The following NECTIN4 variants were observed in gnomAD, a reference collection of about 807,000 sequenced individuals.
NECTIN4 encodes the protein nectin-4.
A neutral mutation model predicts 51.7 loss-of-function variants in NECTIN4; 19 were observed. The ratio of observed to expected loss-of-function variants is 0.37; its 90% CI spans 0.26 to 0.54. The LOEUF (loss-of-function observed/expected upper bound fraction) is 0.54. NECTIN4 is among the 20% of genes least tolerant of loss of function. The pLI is 0.86. For synonymous variants in NECTIN4, 283 were observed against 286.9 expected, an observed-to-expected ratio of 0.99 and a Z score of 0.14; for missense variants, 619 against 662.4, an observed-to-expected ratio of 0.93 and a Z score of 0.72.
At chr1:161,085,352 G>A (rs374317489) in intron 1 of NECTIN4, among the ~76,000 whole-genome samples, 11 of 152,022 alleles carry the variant, frequency 7.2e-5, no homozygotes, top group Non-Finnish European at 1.3e-4. Context: ...TAAACCCCCC[G>A]GAGCCAGAGT....
In NECTIN4 at chr1:161,085,733, C is replaced by T. The variant is rs550228793; in HGVS notation, c.79+3485G>A. 1.7e-4 allele frequency among the ~76,000 whole-genome samples: 25 copies of T among 146,260 alleles called. No individual in the cohort carries two copies. The East Asian group carries it at 4.2e-3, about 24-fold the overall frequency. ...TTTTTTTTTGACACAGAGTCTCACT[C>T]TGTCACCCAGGCTAGAGTGTAGTGG... On this transcript the variant is annotated intron_variant, in intron 1 of 8. Transcript: ENST00000368012.
chr1:161,082,816 G>C (rs1653750308), intron 1 of NECTIN4, among the ~76,000 whole-genome samples: 1 of 152,200 alleles, frequency 6.6e-6, no homozygotes. Context: ...CTTGGGTAGG[G>C]GATCTCCAGC....
In NECTIN4 at chr1:161,079,613, G is replaced by C; in HGVS notation, c.416C>G (p.Ala139Gly). Residue 139 changes from alanine (A) to glycine (G), a missense_variant, in exon 2 of 9, where the codon GCG becomes GGG. By Grantham distance (60) the Ala-to-Gly change is moderately conservative. Around this residue, in one of 3 missense-constraint regions of NECTIN4, gnomAD observed 218 missense variants for 186.3 expected, o/e 1.17. Transcript: ENST00000368012. ...ACCCAGCACTCGGAGCCGCAGCCGC[G>C]CCTGGAAGCTGCCGGCGGGGAAGGT... is the stretch of plus-strand genomic sequence containing the variant. ...VSTFPAGSFQ[A>G]RLRLRVLVPP... 6.2e-7 allele frequency: 1 copy of C among 1,604,966 alleles called. No homozygotes were observed. Among genetic ancestry groups the C allele is most frequent in the Non-Finnish European group, 8.5e-7 (1 of 1,179,642 alleles).
Position 161,072,778 on chromosome 1 carries a change from T to C in NECTIN4, c.1416A>G (p.Glu472=), listed in dbSNP as rs1353864659. The change falls in exon 9 of 9, where the codon GAA becomes GAG. Residue 472 remains glutamate (E), a synonymous_variant. Coordinates refer to ENST00000368012, the MANE Select transcript of NECTIN4 (RefSeq NM_030916.3). ...SPGSGRAEEE[E]DQDEGIKQAM... is the part of the protein sequence containing the mutation. ...CCTGTTTGATGCCTTCATCCTGATCTTCCTCCTCCTCGGCCCGCCCAGAGC... is the reference window on the plus strand; with the variant it reads ...CCTGTTTGATGCCTTCATCCTGATCCTCCTCCTCCTCGGCCCGCCCAGAGC... The C allele has an allele frequency of 1.2e-6, 2 of 1,614,226 alleles. No homozygotes were observed. Among genetic ancestry groups the C allele is most frequent in the Non-Finnish European group, 8.5e-7 (1 of 1,180,020 alleles).
In NECTIN4 at chr1:161,071,322, G is replaced by T. The variant is rs781058040; in HGVS notation, c.*1339C>A. On this transcript the variant is annotated 3_prime_UTR_variant, in exon 9 of 9. Coordinates refer to ENST00000368012, the MANE Select transcript of NECTIN4 (RefSeq NM_030916.3). ...GAATTAGTGATCCAAAACCCAGGGG[G>T]AAAGGCGACATTCTCACCCCCAGCA... The T allele has an allele frequency of 6.6e-6, 1 of 152,156 alleles. No homozygotes were observed. Among genetic ancestry groups the T allele is most frequent in the Non-Finnish European group, 1.5e-5 (1 of 68,054 alleles). 9.4% of individuals were successfully genotyped at this position (152,156 alleles called of 1,614,324 possible).
chr1:161,074,915 G>T (rs1056085698), intron 4 of NECTIN4, among the ~76,000 whole-genome samples, 156 bp from the exon 5 acceptor site: 1 of 152,194 alleles, frequency 6.6e-6, no homozygotes, highest in Non-Finnish European at 1.5e-5. Context: ...GCAGGTCTAG[G>T]CAGAGGTCCT....
chr1:161,076,758 C>T (rs1182487378), intron 3 of NECTIN4, among the ~76,000 whole-genome samples: 4 of 152,220 alleles, frequency 2.6e-5, no homozygotes, highest in African/African-American at 9.6e-5. Context: ...TCTGGATGTC[C>T]TGTGTTGCCT....
chr1:161,078,042 G>C (rs1653499722), intron 2 of NECTIN4, among the ~76,000 whole-genome samples: 1 of 152,120 alleles, frequency 6.6e-6, no homozygotes. Context: ...TTTACTATGT[G>C]TCAACTATTA....
Position 161,079,885 on chromosome 1 carries a change from T to G in NECTIN4, c.144A>C (p.Ala48=), listed in dbSNP as rs1156717532. Residue 48 remains alanine (A), a synonymous_variant, in exon 2 of 9, where the codon GCA becomes GCC. Transcript: ENST00000368012. ...CCCCTCGGTAGAAGCAGGGCAGTTT[T>G]GCGTCCTGGCCCAGCACCACAGTTA... is the stretch of plus-strand genomic sequence containing the variant. The part of the protein sequence containing the change: ...DVVTVVLGQD[A]KLPCFYRGDS... 1.9e-6 allele frequency: 3 copies of G among 1,613,752 alleles called. No homozygotes were observed. The Admixed American group carries it at 5.0e-5, about 27-fold the overall frequency.
Position 161,072,519 on chromosome 1 carries a change from T to C in NECTIN4, c.*142A>G, listed in dbSNP as rs927439082. On this transcript the variant is annotated 3_prime_UTR_variant, in exon 9 of 9. Transcript: ENST00000368012. Reference sequence around the variant, plus strand: ...GGAGCCCTCCCGATGAACAGAAGGGTTGGAGGTAAAGGTCAAGCAGTCAGT... The same window carrying C: ...GGAGCCCTCCCGATGAACAGAAGGGCTGGAGGTAAAGGTCAAGCAGTCAGT... 1.7e-5 allele frequency: 12 copies of C among 725,542 alleles called. No homozygotes were observed. Among genetic ancestry groups the C allele is most frequent in the Non-Finnish European group, 3.0e-5 (12 of 404,838 alleles). The allele number at this position is 725,542 out of a possible 1,614,324, so 44.9% of individuals were successfully genotyped here. A position where few individuals can be genotyped will look rare whatever the true frequency, so the allele number is the denominator to read the frequency against.
intron 1 of NECTIN4, among the ~76,000 whole-genome samples, chr1:161,082,552 G>A (rs1309794613): frequency 6.6e-6 from 1 of 152,118 alleles, no homozygotes; most frequent in African/African-American, 2.4e-5. Flanking sequence ...GTTTTAGTGA[G>A]GCAGCACATA....
chr1:161,078,668 C>T (rs771897803), intron 2 of NECTIN4, among the ~76,000 whole-genome samples: 1 of 151,934 alleles, frequency 6.6e-6, no homozygotes, highest in African/African-American at 2.4e-5. Context: ...TTAACTTGAC[C>T]GTAAGTCCAG....
intron 1 of NECTIN4, among the ~76,000 whole-genome samples, chr1:161,086,403 G>A (rs1349580373): frequency 6.6e-6 from 1 of 152,178 alleles, no homozygotes; most frequent in South Asian, 2.1e-4. Context: ...ACAGGAAAGG[G>A]CCTGCCCCCC....
At chr1:161,077,308 A>G (rs1653451624) in intron 3 of NECTIN4, 145 bp downstream of exon 3, 4 of 868,520 alleles carry the variant, frequency 4.6e-6, no homozygotes, top group African/African-American at 3.4e-5. Flanking sequence ...CAGGTCTTCC[A>G]CATTTGGACT....
Position 161,079,667 on chromosome 1 carries a change from T to C in NECTIN4, c.362A>G (p.Asp121Gly). 6.2e-7 allele frequency: 1 copy of C among 1,606,720 alleles called. No individual in the cohort carries two copies. Among genetic ancestry groups the C allele is most frequent in the African/African-American group, 1.3e-5 (1 of 75,054 alleles). Reference sequence around the variant, plus strand: ...GACCCGGCACTCGTACTCGCCCTCATCCGCCTGCACTGCGTTGCGCAGGAG... The same window carrying C: ...GACCCGGCACTCGTACTCGCCCTCACCCGCCTGCACTGCGTTGCGCAGGAG... ...SVLLRNAVQA[D>G]EGEYECRVST... Residue 121 changes from aspartate to glycine, a missense_variant, in exon 2 of 9, where the codon GAT becomes GGT. Asp to Gly is a moderately conservative substitution (Grantham distance 94, BLOSUM62 -1). This residue lies in a region of NECTIN4 where 218 missense variants were observed against 186.3 expected (regional missense o/e 1.17). Transcript: ENST00000368012.
intron 1 of NECTIN4, among the ~76,000 whole-genome samples, chr1:161,083,400 C>T (rs368748140): frequency 1.1e-4 from 17 of 152,308 alleles, no homozygotes; most frequent in East Asian, 5.8e-4. Flanking sequence ...TCCTTCTCTC[C>T]TCCACCCAGT....
chr1:161,075,200 C>T (rs142817075), intron 4 of NECTIN4, among the ~76,000 whole-genome samples: 164 of 152,350 alleles, frequency 1.1e-3, no homozygotes, highest in Middle Eastern at 3.4e-3. Context: ...CGCTCATATG[C>T]TCACATGTGA....
chr1:161,079,581 C>A lies in NECTIN4; in HGVS notation c.439+9G>T, dbSNP rs766079224. 1.2e-6 allele frequency: 2 copies of A among 1,602,546 alleles called. No individual in the cohort carries two copies. The highest frequency in any genetic ancestry group is 1.7e-6 in the Non-Finnish European group (2 of 1,179,336). ...GCGGCTCAGACCGTACCCAGAGATC[C>A]CCGCTTACCCAGCACTCGGAGCCGC... is the stretch of plus-strand genomic sequence containing the variant. On this transcript the variant is annotated intron_variant, in intron 2 of 8. Transcript: ENST00000368012.
In NECTIN4 at chr1:161,074,077, C is replaced by T. The variant is rs1005579209; in HGVS notation, c.1157+140G>A. Reference sequence around the variant, plus strand: ...CCAGACCCTTAGCTCCTCCTCAGCCCTAGAAACACCCTGCCCACCTCTAGT... The same window carrying T: ...CCAGACCCTTAGCTCCTCCTCAGCCTTAGAAACACCCTGCCCACCTCTAGT... On this transcript the variant is annotated intron_variant, in intron 6 of 8. Transcript: ENST00000368012. 1.8e-5 allele frequency: 20 copies of T among 1,089,638 alleles called. No individual in the cohort carries two copies. The African/African-American group carries it at 3.1e-4, about 17-fold the overall frequency. The allele number at this position is 1,089,638 out of a possible 1,614,324, so 67.5% of individuals were successfully genotyped here. A position where few individuals can be genotyped will look rare whatever the true frequency, so the allele number is the denominator to read the frequency against.
Sources: gnomAD v4.1 joint callset for allele counts (sites outside exome capture counted in the v4.1 genomes callset) on GRCh38, gnomAD v4.1.1 for gene constraint, gnomAD v4.1.1 regional missense constraint, MANE v1.5 for transcripts, NCBI Gene and HGNC (gene_info 2026-07-23, HGNC 2026-07-21) for gene names.